Variants in CRYZL1 observed in about 807,000 individuals in gnomAD.
CRYZL1 encodes the protein ferry endosomal RAB5 effector complex subunit 4.
In CRYZL1, 34 loss-of-function variants were observed where a neutral mutation model predicts 50.6. That is an observed-to-expected ratio of 0.67 (90% CI 0.51 to 0.89). The LOEUF is 0.89. Ranked by LOEUF, CRYZL1 falls within the 40% of genes least tolerant of loss-of-function variation. The probability of loss-of-function intolerance (pLI) is 0.00; values close to 1 mark genes in which losing one functional copy is unlikely to be tolerated. For synonymous variants in CRYZL1, 125 were observed against 134.3 expected (o/e 0.93, Z 0.48); for missense variants, 354 against 402.3 (o/e 0.88, Z 1.03).
chr21:33,611,511 G>A (rs1021414161), intron 6 of CRYZL1, among the ~76,000 whole-genome samples: 2 of 152,144 alleles, frequency 1.3e-5, no homozygotes, highest in Admixed American at 1.3e-4. Context: ...CCTAGCTCAA[G>A]TTACTGTAAG....
chr21:33,641,222 C>A (rs1391591202), intron 1 of CRYZL1: 2 of 1,550,614 alleles, frequency 1.3e-6, no homozygotes, highest in East Asian at 2.4e-5. Flanking sequence ...ATGAAGAGGG[C>A]CGATCTGGCT....
At chr21:33,616,150 T>G (rs978880532) in intron 5 of CRYZL1, 1 of 150,908 alleles carries the variant, frequency 6.6e-6, no homozygotes, top group African/African-American at 2.4e-5. Context: ...CATTGTTCAA[T>G]TCCCACCTAT....
At chr21:33,613,653 T>C (rs768535970) in intron 5 of CRYZL1, 47 bp from the exon 6 acceptor site, 6 of 1,339,056 alleles carry the variant, frequency 4.5e-6, no homozygotes, top group Non-Finnish European at 6.4e-6. Flanking sequence ...CAAAAATTCA[T>C]TCCTAATGAG....
chr21:33,632,017 T>C (rs1049708629), intron 1 of CRYZL1, among the ~76,000 whole-genome samples: 1 of 152,028 alleles, frequency 6.6e-6, no homozygotes, highest in East Asian at 1.9e-4. Flanking sequence ...CTATAAACCA[T>C]TTAATGGAAG....
chr21:33,604,771 A>C (rs2086794084), intron 6 of CRYZL1, among the ~76,000 whole-genome samples: 1 of 152,154 alleles, frequency 6.6e-6, no homozygotes, highest in South Asian at 2.1e-4. Context: ...TGTTGTCTCC[A>C]ATTTTTGTCA....
intron 4 of CRYZL1, chr21:33,617,174 G>A (rs898930218): frequency 6.5e-5 from 10 of 154,324 alleles, no homozygotes; most frequent in Non-Finnish European, 1.3e-4. Flanking sequence ...GCACCATCAT[G>A]CCTGGCTAAT....
At chr21:33,598,806 G>A (rs1569082768) in intron 9 of CRYZL1, among the ~76,000 whole-genome samples, 2 of 125,702 alleles carry the variant, frequency 1.6e-5, no homozygotes, top group African/African-American at 5.8e-5. Flanking sequence ...ACATTTTTGA[G>A]TTTTTTTTTT....
Position 33,591,154 on chromosome 21 carries a change from T to C in CRYZL1, c.950+8A>G, listed in dbSNP as rs1181185783. ...AACAAGAACAATGATTTGGTTACTT[T>C]AGCGTACCTGAAAACACCAGTTGAT... On this transcript the variant is annotated splice_region_variant and intron_variant, in intron 12 of 12. Transcript: ENST00000381554. 4 of 1,597,022 alleles carry C rather than the reference T, an allele frequency of 2.5e-6. No homozygotes were observed. Among genetic ancestry groups the C allele is most frequent in the East Asian group, 2.2e-5 (1 of 44,792 alleles).
chr21:33,630,417 C>T (rs963083662), intron 2 of CRYZL1, among the ~76,000 whole-genome samples: 2 of 152,182 alleles, frequency 1.3e-5, no homozygotes, highest in East Asian at 1.9e-4. Context: ...GAAACCCTGT[C>T]TCTACTAAAA....
intron 2 of CRYZL1, among the ~76,000 whole-genome samples, chr21:33,631,197 C>T (rs184572213): frequency 1.4e-3 from 207 of 152,230 alleles, no homozygotes; most frequent in Admixed American, 4.2e-3. Flanking sequence ...TGCTAATTAC[C>T]CTGATTTGAT....
chr21:33,630,356 C>T (rs1027213406), intron 2 of CRYZL1, among the ~76,000 whole-genome samples: 2 of 152,098 alleles, frequency 1.3e-5, no homozygotes, highest in Non-Finnish European at 2.9e-5. Context: ...GAGGCTGAGG[C>T]GAGCGGATCA....
intron 4 of CRYZL1, 59 bp downstream of exon 4, chr21:33,621,937 T>G: frequency 8.6e-7 from 1 of 1,164,388 alleles, no homozygotes; most frequent in Non-Finnish European, 1.2e-6. Flanking sequence ...ACCAATTAGC[T>G]ACATTTAATC....
At position 33,597,370 on chromosome 21, in the gene CRYZL1, A is replaced by C. The variant is rs747271107; in HGVS notation, c.708T>G (p.Ala236=). 6.2e-7 allele frequency: 1 copy of C among 1,601,378 alleles called. No homozygotes were observed. Among genetic ancestry groups the C allele is most frequent in the South Asian group, 1.1e-5 (1 of 90,804 alleles). Residue 236 remains alanine (A), a synonymous_variant, in exon 10 of 13, where the codon GCT becomes GCG. Transcript: ENST00000381554. ...VRLYSKDDEP[A]VKLQLLPHKH... is the part of the protein sequence containing the mutation. ...TATGTGGTAGTAGTTGTAGTTTTAC[A>C]GCTGGTTCATCATCTTTACTATATA...
chr21:33,600,361 C>T (rs2086738422), intron 8 of CRYZL1, among the ~76,000 whole-genome samples: 1 of 152,146 alleles, frequency 6.6e-6, no homozygotes, highest in Non-Finnish European at 1.5e-5. Context: ...AAATTATTGA[C>T]AGAATTAAAA....
chr21:33,604,355 C>CAAAAAA (rs71194858), intron 6 of CRYZL1, among the ~76,000 whole-genome samples: 1 of 69,622 alleles, frequency 1.4e-5, no homozygotes, highest in Non-Finnish European at 2.5e-5. Context: ...GACTCCGTCT[C>CAAAAAA]AAAAAAAAAA....
chr21:33,590,158 C>T (rs2086629258), intron 12 of CRYZL1, among the ~76,000 whole-genome samples: 1 of 152,056 alleles, frequency 6.6e-6, no homozygotes, highest in African/African-American at 2.4e-5. Context: ...GCTGGGATTA[C>T]AGGCATGCAC....
chr21:33,592,815 G>A (rs1305585119), intron 11 of CRYZL1, among the ~76,000 whole-genome samples: 1 of 152,102 alleles, frequency 6.6e-6, no homozygotes, highest in East Asian at 2.0e-4. Context: ...ATTTTGGGAG[G>A]CTGTAGCAGG....
chr21:33,604,523 C>T (rs1262043318), intron 6 of CRYZL1, among the ~76,000 whole-genome samples: 11 of 97,006 alleles, frequency 1.1e-4, no homozygotes, highest in African/African-American at 9.0e-5. Flanking sequence ...AGCAAGACTC[C>T]GTCTCAAAAA....
intron 2 of CRYZL1, among the ~76,000 whole-genome samples, chr21:33,625,615 C>G (rs929391686): frequency 3.3e-5 from 5 of 152,004 alleles, no homozygotes; most frequent in Admixed American, 1.3e-4. Flanking sequence ...TTCTGAGTAG[C>G]TGGGGTTACA....
Sources: allele counts gnomAD v4.1 joint callset (sites outside exome capture counted in the v4.1 genomes callset), GRCh38; gene constraint gnomAD v4.1.1; transcripts MANE v1.5; gene names NCBI Gene and HGNC (gene_info 2026-07-23, HGNC 2026-07-21).